ATP10B: variants seen among roughly 807,000 people sequenced by gnomAD.
ATP10B encodes the protein phospholipid-transporting ATPase VB.
A neutral mutation model predicts 141.2 loss-of-function variants in ATP10B; 122 were observed. That is an observed-to-expected ratio of 0.86 (90% CI 0.75 to 1.00). The LOEUF (loss-of-function observed/expected upper bound fraction) is 1.00. ATP10B is among the 50% of genes least tolerant of loss of function. ATP10B has a pLI of 0.00. For missense variants in ATP10B, 1,876 were observed against 1,825.3 expected, an observed-to-expected ratio of 1.03 and a Z score of -0.51; for synonymous variants, 685 against 692.0, an observed-to-expected ratio of 0.99 and a Z score of 0.16.
chr5:160,640,555 G>A lies in ATP10B; in HGVS notation c.906C>T (p.Pro302=). The change falls in exon 10 of 26, where the codon CCC becomes CCT. Residue 302 remains proline, a synonymous_variant. Coordinates refer to ENST00000327245, the MANE Select transcript of ATP10B (RefSeq NM_025153.3). ...ETKAMLNNSG[P]RYKRSKIERR... is the part of the protein sequence containing the mutation. Reference sequence around the variant, plus strand: ...GCTCAATCTTGCTGCGTTTGTACCGGGGGCCACTGTTGTTCAGCATGGCTT... The same window carrying A: ...GCTCAATCTTGCTGCGTTTGTACCGAGGGCCACTGTTGTTCAGCATGGCTT... The A allele has an allele frequency of 6.2e-7, 1 of 1,614,124 alleles. No homozygotes were observed. Among genetic ancestry groups the A allele is most frequent in the Non-Finnish European group, 8.5e-7 (1 of 1,180,006 alleles).
intron 6 of ATP10B, 109 bp downstream of exon 6, chr5:160,685,970 T>A (rs1763724160): frequency 3.3e-6 from 3 of 900,124 alleles, no homozygotes; most frequent in Non-Finnish European, 4.7e-6. Flanking sequence ...ATCAGTGAAT[T>A]AAATAATTTA....
At chr5:160,903,120 C>A in the ATP10B span, among the ~76,000 whole-genome samples, 1 of 152,164 alleles carries the variant, frequency 6.6e-6, no homozygotes, top group Non-Finnish European at 1.5e-5. Flanking sequence ...AGGAAGGAGT[C>A]TTAGAGATGA....
the ATP10B span, among the ~76,000 whole-genome samples, chr5:160,893,715 A>T: frequency 1.3e-5 from 2 of 152,166 alleles, no homozygotes; most frequent in Non-Finnish European, 2.9e-5. Context: ...CTGCTTCCTC[A>T]AGTGGGTCAC....
chr5:160,595,811 C>T (rs1290331508), intron 22 of ATP10B, among the ~76,000 whole-genome samples: 2 of 150,392 alleles, frequency 1.3e-5, no homozygotes, highest in South Asian at 2.1e-4. Context: ...ATAAATTCCT[C>T]GACACATACA....
chr5:160,587,036 C>T (rs942076395), intron 24 of ATP10B, among the ~76,000 whole-genome samples: 3 of 152,104 alleles, frequency 2.0e-5, no homozygotes, highest in Non-Finnish European at 4.4e-5. Flanking sequence ...GTGCCTATGT[C>T]CTGAATGGTA....
chr5:160,602,762 C>T, intron 20 of ATP10B, 60 bp from the exon 21 acceptor site: 2 of 1,607,558 alleles, frequency 1.2e-6, no homozygotes, highest in Non-Finnish European at 1.7e-6. Flanking sequence ...CCCAGAGGGA[C>T]TCTCTCAAGG....
intron 3 of ATP10B, among the ~76,000 whole-genome samples, chr5:160,700,598 G>C (rs1764612422): frequency 6.6e-6 from 1 of 152,194 alleles, no homozygotes; most frequent in Non-Finnish European, 1.5e-5. Context: ...TCATTCCTCT[G>C]TTTTGTCTGA....
intron 1 of ATP10B, among the ~76,000 whole-genome samples, chr5:160,815,355 C>T (rs1305619462): frequency 6.6e-6 from 1 of 152,156 alleles, no homozygotes; most frequent in Non-Finnish European, 1.5e-5. Flanking sequence ...TCTGATAAAA[C>T]AGACTTTAAA....
At position 160,602,489 on chromosome 5, in the gene ATP10B, A is replaced by G. The variant is rs1004505198; in HGVS notation, c.3363+88T>C. On this transcript the variant is annotated intron_variant, in intron 21 of 25. Coordinates refer to ENST00000327245, the MANE Select transcript of ATP10B (RefSeq NM_025153.3). Reference sequence around the variant, plus strand: ...CAGCCTGACTCCTTCCTTTATGCTGAGGTGCTTTGCCCACTGCTAGGGAGA... The same window carrying G: ...CAGCCTGACTCCTTCCTTTATGCTGGGGTGCTTTGCCCACTGCTAGGGAGA... 2.6e-6 allele frequency: 4 copies of G among 1,563,792 alleles called. No homozygotes were observed. The African/African-American group carries it at 4.1e-5, about 16-fold the overall frequency.
chr5:160,824,493 A>G (rs996852771), intron 1 of ATP10B, among the ~76,000 whole-genome samples: 1 of 152,210 alleles, frequency 6.6e-6, no homozygotes, highest in Non-Finnish European at 1.5e-5. Context: ...TTGCTTAACA[A>G]TGGGCCAACA....
intron 8 of ATP10B, among the ~76,000 whole-genome samples, chr5:160,645,645 G>C (rs1465462971): frequency 6.6e-6 from 1 of 152,182 alleles, no homozygotes; most frequent in Non-Finnish European, 1.5e-5. Context: ...ATGACCTGGG[G>C]TCTGGCCTTT....
chr5:160,708,815 ACT>A (rs1377214054), intron 3 of ATP10B, among the ~76,000 whole-genome samples: 14 of 152,062 alleles, frequency 9.2e-5, no homozygotes, highest in African/African-American at 3.4e-4. Flanking sequence ...ATCCATCCTG[ACT>A]CTGATTTATC....
At chr5:160,568,496 G>A (rs1053960771) in intron 25 of ATP10B, among the ~76,000 whole-genome samples, 9 of 152,164 alleles carry the variant, frequency 5.9e-5, no homozygotes, top group African/African-American at 1.4e-4. Flanking sequence ...GCTTGATTGC[G>A]ATGTTCAGCG....
intron 2 of ATP10B, among the ~76,000 whole-genome samples, chr5:160,757,295 C>G (rs900909039): frequency 6.6e-6 from 1 of 152,168 alleles, no homozygotes; most frequent in African/African-American, 2.4e-5. Context: ...TATGCACAGA[C>G]CTTCATTTGC....
At chr5:160,823,791 G>A (rs1407640688) in intron 1 of ATP10B, among the ~76,000 whole-genome samples, 6 of 151,982 alleles carry the variant, frequency 3.9e-5, no homozygotes, top group Non-Finnish European at 5.9e-5. Flanking sequence ...CTGAGATCGC[G>A]GCGCTGCACT....
intron 3 of ATP10B, 50 bp from the exon 4 acceptor site, chr5:160,688,993 A>T: frequency 2.1e-6 from 2 of 958,262 alleles, no homozygotes; most frequent in Non-Finnish European, 2.5e-6. Flanking sequence ...GTGGCAAAGA[A>T]ATGCTGCTTT....
At chr5:160,823,793 C>G (rs751275374) in intron 1 of ATP10B, among the ~76,000 whole-genome samples, 1 of 151,998 alleles carries the variant, frequency 6.6e-6, no homozygotes, top group Non-Finnish European at 1.5e-5. Flanking sequence ...GAGATCGCGG[C>G]GCTGCACTCC....
chr5:160,885,620 G>GA, the ATP10B span, among the ~76,000 whole-genome samples: 1 of 152,124 alleles, frequency 6.6e-6, no homozygotes, highest in African/African-American at 2.4e-5. Context: ...TAATGAGAGA[G>GA]AAAAAACATG....
At chr5:160,816,065 G>C (rs1213111984) in intron 1 of ATP10B, among the ~76,000 whole-genome samples, 1 of 151,902 alleles carries the variant, frequency 6.6e-6, no homozygotes, top group Non-Finnish European at 1.5e-5. Flanking sequence ...AAGCATGAAA[G>C]ATCTAAAATT....
Sources: allele counts gnomAD v4.1 joint callset (sites outside exome capture counted in the v4.1 genomes callset), GRCh38; gene constraint gnomAD v4.1.1; transcripts MANE v1.5; gene names NCBI Gene and HGNC (gene_info 2026-07-23, HGNC 2026-07-21).